Variants in SPG11 observed in about 807,000 individuals in gnomAD.
The protein encoded by SPG11 is spatacsin.
In SPG11, 222 loss-of-function variants were observed where a neutral mutation model predicts 274.0. That is an observed-to-expected ratio of 0.81 (90% CI 0.73 to 0.91). The LOEUF is 0.91. Among genes scored for constraint, SPG11 ranks in the 40% least tolerant of loss-of-function variants. The pLI is 0.00. For missense variants in SPG11, 3,114 were observed against 2,872.7 expected, an observed-to-expected ratio of 1.08 and a Z score of -1.92; for synonymous variants, 1,144 against 1,039.7, an observed-to-expected ratio of 1.10 and a Z score of -1.93.
chr15:44,654,266 T>C (rs763963690), intron 4 of SPG11, among the ~76,000 whole-genome samples: 1 of 152,174 alleles, frequency 6.6e-6, no homozygotes, highest in Non-Finnish European at 1.5e-5. Flanking sequence ...TCCCAGCACT[T>C]TGGGAGGCTG....
intron 39 of SPG11, 42 bp from the exon 40 acceptor site, chr15:44,563,343 T>G: frequency 2.6e-6 from 4 of 1,567,394 alleles, no homozygotes; most frequent in Non-Finnish European, 3.5e-6. Context: ...ATACTGTTTT[T>G]TGTTTTGTTT....
At chr15:44,629,850 C>A (rs1046247558) in intron 8 of SPG11, among the ~76,000 whole-genome samples, 1 of 151,534 alleles carries the variant, frequency 6.6e-6, no homozygotes. Context: ...GCAAGCAGAT[C>A]ACTTGAGGTC....
rs1216123623 is a variant in SPG11 at position 44,598,961 on chromosome 15, T to C, written c.3687-125A>G. The C allele has an allele frequency of 3.1e-6, 3 of 970,756 alleles. No homozygotes were observed. The Admixed American group carries it at 6.0e-5, about 19-fold the overall frequency. The allele number at this position is 970,756 out of a possible 1,614,324, so 60.1% of individuals were successfully genotyped here. On this transcript the variant is annotated intron_variant, in intron 21 of 39. Coordinates refer to ENST00000261866, the MANE Select transcript of SPG11 (RefSeq NM_025137.4). ...ATGTGATTTGTGGCCTCCTCTCCCT[T>C]ACCTTTTGCCCCTTGCACATACCCG...
intron 1 of SPG11, among the ~76,000 whole-genome samples, chr15:44,661,865 A>T (rs1184533982): frequency 1.3e-5 from 2 of 152,222 alleles, no homozygotes; most frequent in Non-Finnish European, 2.9e-5. Flanking sequence ...AAATACTATA[A>T]ACATGCCCTT....
chr15:44,578,013 TCTTTCC>T (rs1308343523), intron 30 of SPG11, among the ~76,000 whole-genome samples: 1 of 149,764 alleles, frequency 6.7e-6, no homozygotes. Flanking sequence ...AGGGGAGCCT[TCTTTCC>T]TTTTTTTTTT....
At chr15:44,572,136 C>T (rs2082436961) in intron 33 of SPG11, among the ~76,000 whole-genome samples, 1 of 152,070 alleles carries the variant, frequency 6.6e-6, no homozygotes, top group African/African-American at 2.4e-5. Context: ...ATCTGTGTAA[C>T]CATTAGAAGT....
At chr15:44,652,331 C>A in intron 4 of SPG11, 65 bp from the exon 5 acceptor site, 1 of 1,542,240 alleles carries the variant, frequency 6.5e-7, no homozygotes, top group Non-Finnish European at 8.9e-7. Context: ...TGTGTTACTA[C>A]TGCTCCTGTT....
chr15:44,573,546 C>T lies in SPG11; in HGVS notation c.6205+1G>A, dbSNP rs753650233. On this transcript the variant is annotated splice_donor_variant, in intron 32 of 39. Coordinates refer to ENST00000261866, the MANE Select transcript of SPG11 (RefSeq NM_025137.4). LOFTEE classifies it high-confidence loss of function. ...TTGGGAATCCCCGGGGGGTAGGGCA[C>T]CTGTTCCCTGTGATGAAGTAAGCAG... is the stretch of plus-strand genomic sequence containing the variant. 7.4e-6 allele frequency: 12 copies of T among 1,614,168 alleles called. No individual in the cohort carries two copies. The highest frequency in any genetic ancestry group is 1.1e-5 in the South Asian group (1 of 91,082).
At chr15:44,631,445 AC>A (rs977221960) in intron 8 of SPG11, among the ~76,000 whole-genome samples, 76 of 152,308 alleles carry the variant, frequency 5.0e-4, no homozygotes, top group African/African-American at 1.6e-3. Flanking sequence ...TTTTATTGCA[AC>A]TCTAGAATGT....
At position 44,600,560 on chromosome 15, in the gene SPG11, T is replaced by A. The variant is rs1165305523; in HGVS notation, c.3593A>T (p.Asn1198Ile). ...CCCATTATGTAAATAATAAGCAAAA[T>A]TCAGACGTTCCACTATAGCATATTT... is the stretch of plus-strand genomic sequence containing the variant. ...VNKYAIVERL[N>I]FAYYLHNGRP... The change falls in exon 21 of 40, where the codon AAT becomes ATT. Residue 1198 changes from asparagine to isoleucine, a missense_variant. Physicochemically the swap from Asn to Ile is moderately radical, Grantham distance 149. Transcript: ENST00000261866. 6.2e-7 allele frequency: 1 copy of A among 1,614,096 alleles called. No homozygotes were observed. The highest frequency in any genetic ancestry group is 1.3e-5 in the African/African-American group (1 of 75,016).
chr15:44,565,312 C>A (rs532294759), intron 38 of SPG11, among the ~76,000 whole-genome samples: 7 of 152,206 alleles, frequency 4.6e-5, no homozygotes, highest in African/African-American at 1.7e-4. Context: ...GCATCAGTGA[C>A]AGGTTCCCTG....
chr15:44,570,091 A>G lies in SPG11; in HGVS notation c.6477+434T>C, dbSNP rs142972829. Among the ~76,000 whole-genome samples, 599 of 152,276 alleles carry G rather than the reference A, an allele frequency of 3.9e-3. 5 individuals are homozygous for G. Among genetic ancestry groups the G allele is most frequent in the Non-Finnish European group, 6.5e-3 (442 of 68,006 alleles). On this transcript the variant is annotated intron_variant, in intron 34 of 39. Coordinates refer to ENST00000261866, the MANE Select transcript of SPG11 (RefSeq NM_025137.4). ...CTTCCTCTTTTCACCACTACTCATG[A>G]CAGTGGCCCAGTAGCTTGCTCAGCC...
chr15:44,626,414 G>A lies in SPG11; in HGVS notation c.2161C>T (p.Leu721Phe), dbSNP rs767091260. 4 of 1,613,798 alleles carry A rather than the reference G, an allele frequency of 2.5e-6. No individual in the cohort carries two copies. The South Asian group carries it at 4.4e-5, about 18-fold the overall frequency. The change falls in exon 11 of 40, where the codon CTT becomes TTT. Residue 721 changes from leucine to phenylalanine, a missense_variant. By Grantham distance (22) the Leu-to-Phe change is conservative (BLOSUM62 0). Coordinates refer to ENST00000261866, the MANE Select transcript of SPG11 (RefSeq NM_025137.4). ...ACCAAATTTAGGCCTATGCCAATAA[G>A]CTCCTCAAGTTTTTGAGCAGAATGA... ...DSHSAQKLEE[L>F]IGIGLNLVFD...
In SPG11 at chr15:44,584,500, C is replaced by A; in HGVS notation, c.5180G>T (p.Arg1727Ile). 6.2e-7 allele frequency: 1 copy of A among 1,613,890 alleles called. No homozygotes were observed. The highest frequency in any genetic ancestry group is 8.5e-7 in the Non-Finnish European group (1 of 1,180,018). The change falls in exon 30 of 40, where the codon AGA (arginine) becomes ATA (isoleucine). Residue 1727 changes from arginine to isoleucine, a missense_variant. Transcript: ENST00000261866. ...ATGGCATTTTTTCCAGAAGTCAATT[C>A]TTGCTTGTTTTAGTGACCACTGTTC... ...HIEQWSLKQA[R>I]IDFWKKCHEN...
At chr15:44,594,965 C>G (rs542622392) in intron 26 of SPG11, among the ~76,000 whole-genome samples, 1 of 151,986 alleles carries the variant, frequency 6.6e-6, no homozygotes, top group Non-Finnish European at 1.5e-5. Context: ...TACAGGCCCA[C>G]GCCACCATGC....
chr15:44,606,938 A>G (rs2083336430), intron 19 of SPG11, among the ~76,000 whole-genome samples: 1 of 152,220 alleles, frequency 6.6e-6, no homozygotes, highest in Admixed American at 6.5e-5. Flanking sequence ...AACAAGACAC[A>G]GGGGCATCTG....
Position 44,590,201 on chromosome 15 carries a change from A to G in SPG11, c.4744-787T>C, listed in dbSNP as rs1254015900. ...AACCGCTTAGAAAGACGTGCCTAAC[A>G]TTACTTCGCTAGTTCTACCACTTTG... On this transcript the variant is annotated intron_variant, in intron 27 of 39. Transcript: ENST00000261866. Among the ~76,000 whole-genome samples the G allele has an allele frequency of 2.6e-5, 4 of 152,212 alleles. No individual in the cohort carries two copies. In the East Asian group the frequency reaches 5.8e-4, roughly 22 times the overall value.
In SPG11 at chr15:44,592,419, A is replaced by C; in HGVS notation, c.4655T>G (p.Val1552Gly). The change falls in exon 27 of 40, where the codon GTG becomes GGG. Residue 1552 changes from valine (V) to glycine (G), a missense_variant. By Grantham distance (109) the Val-to-Gly change is moderately radical. Transcript: ENST00000261866. ...LFFKDSPLLL[V>G]MEMYELCMFF... Reference sequence around the variant, plus strand: ...CATACACAGTTCATACATCTCCATCACCAGTAGTAACGGGGAATCCTTTGA... The same window carrying C: ...CATACACAGTTCATACATCTCCATCCCCAGTAGTAACGGGGAATCCTTTGA... The C allele has an allele frequency of 6.2e-7, 1 of 1,601,944 alleles. No individual in the cohort carries two copies. Among genetic ancestry groups the C allele is most frequent in the South Asian group, 1.1e-5 (1 of 90,860 alleles).
rs2277610 is a variant in SPG11 at position 44,570,732 on chromosome 15, G to A, written c.6344-74C>T. 14,995 of 1,568,664 alleles carry A rather than the reference G, an allele frequency of 9.6e-3. 306 individuals are homozygous for A. The highest frequency in any genetic ancestry group is 0.075 in the East Asian group (3,169 of 42,398). ...ACTGTCAACCTCTGCCTGGCAGGAG[G>A]GAAAAAGGGCCTGGTGGAGAAGGGG... On this transcript the variant is annotated intron_variant, in intron 33 of 39. Transcript: ENST00000261866.
Sources: gnomAD v4.1 joint callset for allele counts (sites outside exome capture counted in the v4.1 genomes callset) on GRCh38, gnomAD v4.1.1 for gene constraint, MANE v1.5 for transcripts, NCBI Gene and HGNC (gene_info 2026-07-23, HGNC 2026-07-21) for gene names.